Variants in STRN observed in about 807,000 individuals in gnomAD.
STRN encodes the protein protein phosphatase 2 regulatory subunit B'''alpha.
STRN carries 53 observed loss-of-function variants against 96.3 expected under a neutral mutation model. That is an observed-to-expected ratio of 0.55 (90% confidence interval 0.44 to 0.69). The LOEUF (loss-of-function observed/expected upper bound fraction) is 0.69, where lower values mean the gene tolerates loss of function less well. STRN is among the 30% of genes least tolerant of loss of function. The pLI is 0.00. For missense variants in STRN, 987 were observed against 963.9 expected (o/e 1.02, Z -0.32); for synonymous variants, 428 against 355.9 (o/e 1.20, Z -2.28).
intron 2 of STRN, among the ~76,000 whole-genome samples, chr2:36,923,084 G>C (rs532492712): frequency 9.2e-5 from 14 of 151,518 alleles, no homozygotes; most frequent in African/African-American, 3.4e-4. Flanking sequence ...GGAGGTTGCA[G>C]TGAGCCAAGA....
At chr2:36,926,785 G>A (rs1670421277) in intron 1 of STRN, among the ~76,000 whole-genome samples, 1 of 152,062 alleles carries the variant, frequency 6.6e-6, no homozygotes, top group Admixed American at 6.6e-5. Context: ...GTTTTCAGAG[G>A]AAAAGGCATC....
intron 1 of STRN, among the ~76,000 whole-genome samples, chr2:36,925,822 A>G (rs1028390105): frequency 2.0e-5 from 3 of 152,208 alleles, no homozygotes; most frequent in African/African-American, 7.2e-5. Context: ...TGCAAGGTGT[A>G]CAGTACAGTT....
At position 36,886,727 on chromosome 2, in the gene STRN, T is replaced by A; in HGVS notation, c.1031A>T (p.Lys344Met). The A allele has an allele frequency of 1.2e-6, 2 of 1,601,604 alleles. No homozygotes were observed. The highest frequency in any genetic ancestry group is 1.7e-6 in the Non-Finnish European group (2 of 1,172,444). The part of the protein sequence containing the change: ...EQYKKERKGK[K>M]GVKRPNRSKL... ...TGTTTTCCACTTACTCTTCACCCCCTTTTTCCCCTTTCTCTCCTTTTTGTA... is the reference window on the plus strand; with the variant it reads ...TGTTTTCCACTTACTCTTCACCCCCATTTTCCCCTTTCTCTCCTTTTTGTA... The change falls in exon 8 of 18, where the codon AAG becomes ATG. Residue 344 changes from lysine to methionine, a missense_variant. Lys to Met is a moderately conservative substitution (Grantham distance 95). Coordinates refer to ENST00000263918, the MANE Select transcript of STRN (RefSeq NM_003162.4).
intron 13 of STRN, 120 bp downstream of exon 13, chr2:36,861,012 A>G: frequency 8.4e-7 from 1 of 1,191,478 alleles, no homozygotes; most frequent in Non-Finnish European, 1.1e-6. Context: ...CAAAATAAAG[A>G]TGTGGTTCTC....
intron 3 of STRN, among the ~76,000 whole-genome samples, chr2:36,915,338 T>G (rs1475843825): frequency 6.7e-6 from 1 of 148,566 alleles, no homozygotes; most frequent in South Asian, 2.1e-4. Context: ...TCTTCAGATA[T>G]CTGATTGGGA....
intron 3 of STRN, among the ~76,000 whole-genome samples, chr2:36,908,791 T>C (rs1669889103): frequency 6.6e-6 from 1 of 152,062 alleles, no homozygotes; most frequent in Non-Finnish European, 1.5e-5. Flanking sequence ...CTGGCCAATA[T>C]GGTGAAACTT....
In STRN at chr2:36,842,290, A is replaced by G. The variant is rs1667971268; in HGVS notation, c.*7166T>C. 1 of 152,162 alleles carries G rather than the reference A, an allele frequency of 6.6e-6. No homozygotes were observed. The highest frequency in any genetic ancestry group is 1.5e-5 in the Non-Finnish European group (1 of 68,030). The allele number at this position is 152,162 out of a possible 1,614,324, so 9.4% of individuals were successfully genotyped here. Reference sequence around the variant, plus strand: ...ATTTGATGCTATTAGAATTTTTAAAAATCTTTTGTTTGAGGCAATGAATTG... The same window carrying G: ...ATTTGATGCTATTAGAATTTTTAAAGATCTTTTGTTTGAGGCAATGAATTG... On this transcript the variant is annotated 3_prime_UTR_variant, in exon 18 of 18. Transcript: ENST00000263918.
intron 1 of STRN, among the ~76,000 whole-genome samples, chr2:36,954,474 T>G (rs1664833548): frequency 6.7e-6 from 1 of 149,156 alleles, no homozygotes; most frequent in South Asian, 2.1e-4. Flanking sequence ...ATTACACCAT[T>G]GTACTCCAGC....
chr2:36,934,893 G>C (rs566738308), intron 1 of STRN, among the ~76,000 whole-genome samples: 1 of 152,276 alleles, frequency 6.6e-6, no homozygotes, highest in East Asian at 1.9e-4. Context: ...CCATGGGCAA[G>C]ATGGTGAAAC....
At chr2:36,930,941 G>A (rs1670557785) in intron 1 of STRN, among the ~76,000 whole-genome samples, 1 of 151,850 alleles carries the variant, frequency 6.6e-6, no homozygotes, top group Non-Finnish European at 1.5e-5. Flanking sequence ...GCTCAGGCAG[G>A]AGAACTGCTT....
Position 36,849,345 on chromosome 2 carries a change from C to T in STRN, c.*111G>A, listed in dbSNP as rs1668160539. ...ACTTCAACAAATGTTCTCTGTGCTC[C>T]TTCAGCAGAACAAAAGGGCAGGACG... On this transcript the variant is annotated 3_prime_UTR_variant, in exon 18 of 18. Transcript: ENST00000263918. 7.9e-7 allele frequency: 1 copy of T among 1,268,738 alleles called. No homozygotes were observed. Among genetic ancestry groups the T allele is most frequent in the Admixed American group, 2.3e-5 (1 of 44,010 alleles). 78.6% of individuals were successfully genotyped at this position (1,268,738 alleles called of 1,614,324 possible).
intron 1 of STRN, among the ~76,000 whole-genome samples, chr2:36,965,648 G>C (rs1665139334): frequency 6.6e-6 from 1 of 152,110 alleles, no homozygotes; most frequent in African/African-American, 2.4e-5. Context: ...GAGGGGGCCG[G>C]GGGGTCGGAA....
chr2:36,910,455 G>A (rs1207688670), intron 3 of STRN, among the ~76,000 whole-genome samples: 1 of 152,150 alleles, frequency 6.6e-6, no homozygotes, highest in Admixed American at 6.5e-5. Flanking sequence ...ATAGCACAAA[G>A]ACTGGGAAGA....
chr2:36,899,634 G>C lies in STRN; in HGVS notation c.684C>G (p.Ala228=), dbSNP rs759312407. Residue 228 remains alanine (A), a synonymous_variant, in exon 6 of 18, where the codon GCC becomes GCG. Coordinates refer to ENST00000263918, the MANE Select transcript of STRN (RefSeq NM_003162.4). ...MIAKSELTDS[A]SVLDNFKFLE... is the part of the protein sequence containing the mutation. The stretch of plus-strand genomic sequence containing the variant: ...GGAATTTGAAATTATCCAGCACGGA[G>C]GCAGAATCTGTTAACTCAGATTTTC... The C allele has an allele frequency of 3.4e-5, 55 of 1,611,182 alleles. No individual in the cohort carries two copies. The highest frequency in any genetic ancestry group is 4.5e-5 in the Non-Finnish European group (53 of 1,178,798).
intron 1 of STRN, among the ~76,000 whole-genome samples, chr2:36,932,444 C>T (rs774736921): frequency 3.3e-5 from 5 of 152,140 alleles, no homozygotes; most frequent in African/African-American, 4.8e-5. Flanking sequence ...CGTGAGCCAC[C>T]GCACCCGGCC....
intron 10 of STRN, among the ~76,000 whole-genome samples, chr2:36,875,659 A>AT (rs70946955): frequency 0.97 from 138,412 of 142,526 alleles, 67,241 homozygotes; most frequent in East Asian, 0.99. Flanking sequence ...AATAGAAATG[A>AT]TTTTTTTTTT....
At chr2:36,939,697 T>A (rs978232914) in intron 1 of STRN, among the ~76,000 whole-genome samples, 1 of 152,172 alleles carries the variant, frequency 6.6e-6, no homozygotes, top group Non-Finnish European at 1.5e-5. Flanking sequence ...TCTAGTCTTT[T>A]TAAAGTTCAT....
chr2:36,956,007 G>A (rs924073351), intron 1 of STRN, among the ~76,000 whole-genome samples: 1 of 152,156 alleles, frequency 6.6e-6, no homozygotes, highest in Non-Finnish European at 1.5e-5. Context: ...CACGAGGTCA[G>A]GTATGGATTT....
At chr2:36,922,043 C>T (rs1558654083) in intron 2 of STRN, among the ~76,000 whole-genome samples, 1 of 152,040 alleles carries the variant, frequency 6.6e-6, no homozygotes, top group Non-Finnish European at 1.5e-5. Flanking sequence ...AATGTCCTTG[C>T]TCTTAGGAAA....
Sources: gnomAD v4.1 joint callset for allele counts (sites outside exome capture counted in the v4.1 genomes callset) on GRCh38, gnomAD v4.1.1 for gene constraint, MANE v1.5 for transcripts, NCBI Gene and HGNC (gene_info 2026-07-23, HGNC 2026-07-21) for gene names.